Variants in SULT1A2 observed in about 807,000 individuals in gnomAD.
The protein encoded by SULT1A2 is sulfotransferase family 1A member 2, also known as sulfotransferase 1A2.
In SULT1A2, 33 loss-of-function variants were observed where a neutral mutation model predicts 36.0. The ratio of observed to expected loss-of-function variants is 0.92; its 90% CI spans 0.69 to 1.22. The LOEUF is 1.22. Ranked by LOEUF, SULT1A2 falls within the 50% of genes most tolerant of loss-of-function variation. The probability of loss-of-function intolerance (pLI) is 0.00; values close to 1 mark genes in which losing one functional copy is unlikely to be tolerated. For synonymous variants in SULT1A2, 138 were observed against 144.5 expected (o/e 0.96, Z 0.32); for missense variants, 367 against 383.2 (o/e 0.96, Z 0.35).
Position 28,596,109 on chromosome 16 carries a change from T to C in SULT1A2, c.-4-175A>G, listed in dbSNP as rs1690404. The C allele has an allele frequency of 3.4e-3, 4,912 of 1,438,008 alleles. 10 individuals carry two copies. The highest frequency in any genetic ancestry group is 5.9e-3 in the African/African-American group (413 of 70,446). 89.1% of individuals were successfully genotyped at this position (1,438,008 alleles called of 1,614,324 possible). A position where few individuals can be genotyped will look rare whatever the true frequency, so the allele number is the denominator to read the frequency against. On this transcript the variant is annotated intron_variant, in intron 1 of 7. Transcript: ENST00000335715. ...CTGAAAACCAGGTCGGGCTCTAATGTGGTGGTTCCCCAGCCTGGCCTCACC... is the reference window on the plus strand; with the variant it reads ...CTGAAAACCAGGTCGGGCTCTAATGCGGTGGTTCCCCAGCCTGGCCTCACC...
chr16:28,593,338 C>G lies in SULT1A2; in HGVS notation c.508G>C (p.Gly170Arg). The G allele has an allele frequency of 6.2e-7, 1 of 1,614,176 alleles. No individual in the cohort carries two copies. Among genetic ancestry groups the G allele is most frequent in the Non-Finnish European group, 8.5e-7 (1 of 1,180,014 alleles). The change falls in exon 6 of 8, where the codon GGG (glycine) becomes CGG (arginine). Residue 170 changes from glycine to arginine, a missense_variant. Coordinates refer to ENST00000335715, the MANE Select transcript of SULT1A2 (RefSeq NM_001054.4). ...EKFMAGEVSY[G>R]SWYQHVQEWW... is the part of the protein sequence containing the mutation. ...TCTTGCACGTGCTGGTACCAGGACC[C>G]ATAGGACACTGGAGAAGCGGGCAGG... is the stretch of plus-strand genomic sequence containing the variant.
At chr16:28,592,552 C>G (rs1397663647) in intron 6 of SULT1A2, 109 bp from the exon 7 acceptor site, 16 of 1,572,336 alleles carry the variant, frequency 1.0e-5, no homozygotes, top group African/African-American at 1.4e-5. Flanking sequence ...CACTTCAAAA[C>G]CCATAGAGCC....
At chr16:28,594,731 G>T (rs1302810160) in intron 4 of SULT1A2, among the ~76,000 whole-genome samples, 1 of 148,114 alleles carries the variant, frequency 6.8e-6, no homozygotes, top group Admixed American at 6.7e-5. Flanking sequence ...GGTATTACAG[G>T]CGTGAGCCAC....
intron 4 of SULT1A2, among the ~76,000 whole-genome samples, chr16:28,594,417 C>T (rs1290107584): frequency 6.6e-6 from 1 of 152,216 alleles, no homozygotes; most frequent in Non-Finnish European, 1.5e-5. Flanking sequence ...GCTGGCATTA[C>T]AGCGGTGAGC....
rs1397994678 is a variant in SULT1A2, at chr16:28,592,349, T to A, written c.689A>T (p.Lys230Met). The A allele has an allele frequency of 6.2e-7, 1 of 1,613,900 alleles. No homozygotes were observed. Among genetic ancestry groups the A allele is most frequent in the Admixed American group, 1.7e-5 (1 of 60,016 alleles). The change falls in exon 7 of 8, where the codon AAG (lysine) becomes ATG (methionine). Residue 230 changes from lysine to methionine, a missense_variant. Coordinates refer to ENST00000335715, the MANE Select transcript of SULT1A2 (RefSeq NM_001054.4). ...GGTCATAGGGTTCTTCTTCATCTCC[T>A]TGAACGACGTGTGCTCAACCATGAG... is the stretch of plus-strand genomic sequence containing the variant. Reference protein sequence around the residue: ...VDLMVEHTSFKEMKKNPMTNY... With the variant: ...VDLMVEHTSFMEMKKNPMTNY...
At chr16:28,594,090 TG>T (rs1196519455) in intron 4 of SULT1A2, among the ~76,000 whole-genome samples, 97 of 124,986 alleles carry the variant, frequency 7.8e-4, no homozygotes, top group African/African-American at 2.3e-3. Flanking sequence ...CTTTTTGTTG[TG>T]GTTTTTTTTT....
In SULT1A2 at chr16:28,592,141, C is replaced by A. The variant is rs1461576201; in HGVS notation, c.776-1G>T. 1 of 1,612,136 alleles carries A rather than the reference C, an allele frequency of 6.2e-7. No homozygotes were observed. The highest frequency in any genetic ancestry group is 1.7e-5 in the Admixed American group (1 of 59,990). On this transcript the variant is annotated splice_acceptor_variant, in intron 7 of 7. Coordinates refer to ENST00000335715, the MANE Select transcript of SULT1A2 (RefSeq NM_001054.4). LOFTEE classifies it high-confidence loss of function. ...GTGGTCTTCCAGTCCCCAGCCATGC[C>A]TGGGGGAGGAAGGCAGGGAGCAAAG... is the stretch of plus-strand genomic sequence containing the variant.
At chr16:28,594,737 G>A (rs891215316) in intron 4 of SULT1A2, among the ~76,000 whole-genome samples, 3 of 139,882 alleles carry the variant, frequency 2.1e-5, no homozygotes, top group East Asian at 2.2e-4. Flanking sequence ...ACAGGCGTGA[G>A]CCACAACAGG....
chr16:28,592,495 A>C, intron 6 of SULT1A2, 52 bp from the exon 7 acceptor site: 1 of 1,554,810 alleles, frequency 6.4e-7, no homozygotes, highest in Admixed American at 1.7e-5. Flanking sequence ...ATTCAGGAAA[A>C]TAAAAGGGGT....
At chr16:28,593,080 C>T (rs1006322834) in intron 6 of SULT1A2, among the ~76,000 whole-genome samples, 172 bp downstream of exon 6, 1 of 152,176 alleles carries the variant, frequency 6.6e-6, no homozygotes, top group Admixed American at 6.5e-5. Context: ...GAGCTGTGCC[C>T]AGCCTGCTGC....
chr16:28,592,043 G>T lies in SULT1A2; in HGVS notation c.873C>A (p.Phe291Leu). The T allele has an allele frequency of 6.2e-7, 1 of 1,611,852 alleles. No individual in the cohort carries two copies. The highest frequency in any genetic ancestry group is 8.5e-7 in the Non-Finnish European group (1 of 1,179,826). ...AKKMAGCSLS[F>L]RSEL ...GGAACCCCTCTCACAGCTCAGAGCG[G>T]AAGCTGAGGCTGCAGCCTGCCATCT... The change falls in exon 8 of 8, where the codon TTC (phenylalanine) becomes TTA (leucine). Residue 291 changes from phenylalanine (F) to leucine (L), a missense_variant. Transcript: ENST00000335715.
rs56194025 is a variant in SULT1A2 at position 28,592,065 on chromosome 16, ATCT to A, written c.848_850del (p.Lys283del). On this transcript the variant is annotated inframe_deletion, in exon 8 of 8. Coordinates refer to ENST00000335715, the MANE Select transcript of SULT1A2 (RefSeq NM_001054.4). ...GCGGAAGCTGAGGCTGCAGCCTGCC[ATCT>A]TCTTCGCATAGTCCGCATCGAAGCG... is the stretch of plus-strand genomic sequence containing the variant. The A allele has an allele frequency of 3.1e-6, 5 of 1,612,074 alleles. No homozygotes were observed. The highest frequency in any genetic ancestry group is 4.2e-6 in the Non-Finnish European group (5 of 1,179,942).
chr16:28,592,230 C>A, intron 7 of SULT1A2, 33 bp downstream of exon 7: 1 of 1,613,972 alleles, frequency 6.2e-7, no homozygotes, highest in Non-Finnish European at 8.5e-7. Flanking sequence ...CTGCTCCCAC[C>A]TGCTCCAAAC....
intron 6 of SULT1A2, 148 bp from the exon 7 acceptor site, chr16:28,592,591 C>G (rs2047007579): frequency 3.4e-6 from 5 of 1,451,296 alleles, no homozygotes; most frequent in Middle Eastern, 1.9e-4. Flanking sequence ...ACCCCAGTCC[C>G]TGGGGCAAAA....
intron 4 of SULT1A2, among the ~76,000 whole-genome samples, chr16:28,594,716 G>A (rs1379412408): frequency 6.8e-6 from 1 of 147,254 alleles, no homozygotes; most frequent in East Asian, 2.0e-4. Context: ...ACCTCCGAAA[G>A]TGCTGGTATT....
At position 28,595,726 on chromosome 16, in the gene SULT1A2, C is replaced by T. The variant is rs749513186; in HGVS notation, c.149-51G>A. ...GAGCAGGCTGAGGTGAGCATGACCT[C>T]GCTGGCCAAGGTGGGGACTGCCACC... On this transcript the variant is annotated intron_variant, in intron 2 of 7. Coordinates refer to ENST00000335715, the MANE Select transcript of SULT1A2 (RefSeq NM_001054.4). The T allele has an allele frequency of 3.5e-5, 57 of 1,612,236 alleles. 1 individual carries two copies. The highest frequency in any genetic ancestry group is 1.7e-4 in the Middle Eastern group (1 of 6,052).
intron 1 of SULT1A2, 163 bp from the exon 2 acceptor site, chr16:28,596,097 C>T (rs2047057293): frequency 6.7e-6 from 10 of 1,494,670 alleles, no homozygotes; most frequent in Admixed American, 2.2e-5. Context: ...AAAACCAGGT[C>T]GGGCTCTAAT....
In SULT1A2 at chr16:28,594,610, G is replaced by A. The variant is rs145260788; in HGVS notation, c.372+757C>T. 6.7e-4 allele frequency among the ~76,000 whole-genome samples: 102 copies of A among 151,590 alleles called. 1 individual carries two copies. Among genetic ancestry groups the A allele is most frequent in the African/African-American group, 2.2e-3 (91 of 41,284 alleles). ...TGGGATTACTGGCGCCTGCCCCAAC[G>A]CCTGGCTAATTTTTGTATTTTTAGT... On this transcript the variant is annotated intron_variant, in intron 4 of 7. Coordinates refer to ENST00000335715, the MANE Select transcript of SULT1A2 (RefSeq NM_001054.4).
Position 28,593,331 on chromosome 16 carries a change from C to T in SULT1A2, c.515G>A (p.Trp172Ter). 6.2e-7 allele frequency: 1 copy of T among 1,614,176 alleles called. No individual in the cohort carries two copies. Among genetic ancestry groups the T allele is most frequent in the Non-Finnish European group, 8.5e-7 (1 of 1,180,028 alleles). The change falls in exon 6 of 8, where the codon TGG (tryptophan) becomes TAG (stop). Residue 172 changes from tryptophan to a stop codon, truncating the protein, a stop_gained. Transcript: ENST00000335715. LOFTEE classifies it high-confidence loss of function. ...CCACCACTCTTGCACGTGCTGGTAC[C>T]AGGACCCATAGGACACTGGAGAAGC... is the stretch of plus-strand genomic sequence containing the variant. ...FMAGEVSYGS[W>*]YQHVQEWWEL... is the part of the protein sequence containing the mutation.
Sources: allele counts gnomAD v4.1 joint callset (sites outside exome capture counted in the v4.1 genomes callset), GRCh38; gene constraint gnomAD v4.1.1; transcripts MANE v1.5; gene names NCBI Gene and HGNC (gene_info 2026-07-23, HGNC 2026-07-21).